Variants in CDH18 observed in about 807,000 individuals in gnomAD.
CDH18 encodes cadherin-18.
A neutral mutation model predicts 67.9 loss-of-function variants in CDH18; 31 were observed. The ratio of observed to expected loss-of-function variants is 0.46; its 90% confidence interval spans 0.34 to 0.62. The LOEUF is 0.62. Among genes scored for constraint, CDH18 ranks in the 20% least tolerant of loss-of-function variants. CDH18 has a pLI of 0.01. For synonymous variants in CDH18, 362 were observed against 347.2 expected, an observed-to-expected ratio of 1.04 and a Z score of -0.48; for missense variants, 890 against 975.5, an observed-to-expected ratio of 0.91 and a Z score of 1.17.
At chr5:20,011,463 T>C (rs186336062) in intron 2 of CDH18, among the ~76,000 whole-genome samples, 2 of 152,294 alleles carry the variant, frequency 1.3e-5, no homozygotes, top group East Asian at 3.9e-4. Flanking sequence ...TCTTGCCTGA[T>C]TGCTCTGGCC....
intron 1 of CDH18, among the ~76,000 whole-genome samples, chr5:20,356,047 G>A (rs1051737560): frequency 6.6e-5 from 10 of 151,916 alleles, no homozygotes; most frequent in African/African-American, 1.2e-4. Context: ...ATTTATTTTC[G>A]ATCAAAGCAT....
intron 3 of CDH18, among the ~76,000 whole-genome samples, chr5:19,829,812 C>G (rs972515491): frequency 1.3e-5 from 2 of 152,152 alleles, no homozygotes; most frequent in African/African-American, 4.8e-5. Context: ...GTAACCAAAA[C>G]AACATGGTAC....
intron 2 of CDH18, among the ~76,000 whole-genome samples, chr5:20,146,405 T>C (rs931835937): frequency 2.6e-5 from 4 of 152,044 alleles, no homozygotes; most frequent in African/African-American, 9.7e-5. Context: ...AACGCTAAGG[T>C]CTTAACTATC....
chr5:20,544,065 A>T (rs1213716691), intron 1 of CDH18, among the ~76,000 whole-genome samples: 3 of 152,186 alleles, frequency 2.0e-5, no homozygotes, highest in African/African-American at 7.2e-5. Flanking sequence ...TGAATGATCA[A>T]GATTAACTGT....
intron 1 of CDH18, among the ~76,000 whole-genome samples, chr5:20,558,384 A>G (rs1703045): frequency 0.69 from 105,550 of 151,938 alleles, 37,032 homozygotes; most frequent in East Asian, 0.98. Flanking sequence ...GAGTATAAAA[A>G]AGGTTAGTAT....
At chr5:20,393,680 G>T (rs1202208057) in intron 1 of CDH18, among the ~76,000 whole-genome samples, 2 of 151,872 alleles carry the variant, frequency 1.3e-5, no homozygotes, top group African/African-American at 4.8e-5. Context: ...AAAGTCTCAG[G>T]TTACAAAATC....
At chr5:19,999,686 G>T (rs1736290832) in intron 2 of CDH18, among the ~76,000 whole-genome samples, 1 of 152,252 alleles carries the variant, frequency 6.6e-6, no homozygotes, top group African/African-American at 2.4e-5. Flanking sequence ...ACCAGGACTA[G>T]CTACATAATT....
chr5:19,805,256 A>G (rs912211043), intron 3 of CDH18, among the ~76,000 whole-genome samples: 20 of 152,066 alleles, frequency 1.3e-4, no homozygotes, highest in African/African-American at 4.6e-4. Flanking sequence ...CCGAAAATAT[A>G]TCATTCTTAT....
At chr5:19,866,601 A>G (rs988384057) in intron 2 of CDH18, among the ~76,000 whole-genome samples, 1 of 152,120 alleles carries the variant, frequency 6.6e-6, no homozygotes, top group Non-Finnish European at 1.5e-5. Context: ...GGTGCAGAAA[A>G]AGAAATCCCT....
chr5:19,730,213 A>C (rs549139275), intron 4 of CDH18, among the ~76,000 whole-genome samples: 1 of 152,148 alleles, frequency 6.6e-6, no homozygotes, highest in Non-Finnish European at 1.5e-5. Flanking sequence ...GTACTATTTG[A>C]CTTTTCAGTC....
At chr5:19,591,570 C>A (rs1015154731) in intron 6 of CDH18, among the ~76,000 whole-genome samples, 18 of 152,054 alleles carry the variant, frequency 1.2e-4, no homozygotes, top group African/African-American at 4.3e-4. Flanking sequence ...CTGAATTAGT[C>A]AAGTATTAGT....
intron 2 of CDH18, among the ~76,000 whole-genome samples, chr5:20,061,919 C>A (rs984448080): frequency 6.6e-6 from 1 of 151,994 alleles, no homozygotes. Context: ...CAGGAATCAA[C>A]GACAATTATC....
At chr5:20,251,536 G>A (rs1743858737) in intron 2 of CDH18, among the ~76,000 whole-genome samples, 1 of 152,146 alleles carries the variant, frequency 6.6e-6, no homozygotes, top group South Asian at 2.1e-4. Flanking sequence ...TTTGCAATAG[G>A]GATATGTTCT....
At chr5:20,184,351 A>G (rs1325497488) in intron 2 of CDH18, among the ~76,000 whole-genome samples, 2 of 152,122 alleles carry the variant, frequency 1.3e-5, no homozygotes, top group Non-Finnish European at 2.9e-5. Flanking sequence ...AAAATCAAAT[A>G]CAAGTCTTAT....
intron 5 of CDH18, among the ~76,000 whole-genome samples, chr5:19,660,683 A>G (rs61619159): frequency 2.1e-3 from 313 of 152,252 alleles, no homozygotes; most frequent in African/African-American, 7.1e-3. Flanking sequence ...GAAAATTATC[A>G]AGTTTAGTTA....
chr5:20,012,072 CT>C (rs914178366), intron 2 of CDH18, among the ~76,000 whole-genome samples: 5 of 150,558 alleles, frequency 3.3e-5, no homozygotes, highest in African/African-American at 4.9e-5. Flanking sequence ...TGGTCCTGGG[CT>C]TTTTTTTTGT....
intron 2 of CDH18, among the ~76,000 whole-genome samples, chr5:19,979,812 T>G (rs748024609): frequency 6.6e-6 from 1 of 152,092 alleles, no homozygotes; most frequent in African/African-American, 2.4e-5. Flanking sequence ...TTCACATTGA[T>G]GTAATAAAAG....
chr5:20,013,229 A>G (rs1197515467), intron 2 of CDH18, among the ~76,000 whole-genome samples: 2 of 152,114 alleles, frequency 1.3e-5, no homozygotes, highest in African/African-American at 4.8e-5. Context: ...CTTTCAGGAT[A>G]GGGAAATTCT....
intron 2 of CDH18, among the ~76,000 whole-genome samples, chr5:20,024,466 G>A (rs1288498243): frequency 2.0e-5 from 3 of 152,152 alleles, no homozygotes; most frequent in Non-Finnish European, 2.9e-5. Context: ...CTTTCAAAGA[G>A]GGAGTGATAT....
Sources: allele counts gnomAD v4.1 joint callset (sites outside exome capture counted in the v4.1 genomes callset), GRCh38; gene constraint gnomAD v4.1.1; transcripts MANE v1.5; gene names NCBI Gene and HGNC (gene_info 2026-07-23, HGNC 2026-07-21).